Variants in TRABD observed in about 807,000 individuals in gnomAD.
TRABD encodes traB domain-containing protein.
A neutral mutation model predicts 39.6 loss-of-function variants in TRABD; 23 were observed. The ratio of observed to expected loss-of-function variants is 0.58; its 90% confidence interval spans 0.42 to 0.82. The LOEUF is 0.82. Among genes scored for constraint, TRABD ranks in the 40% least tolerant of loss-of-function variants. The probability of loss-of-function intolerance (pLI) is 0.00; values close to 1 mark genes in which losing one functional copy is unlikely to be tolerated. For missense variants in TRABD, 487 were observed against 544.9 expected (o/e 0.89, Z 1.06); for synonymous variants, 243 against 232.1 (o/e 1.05, Z -0.43).
chr22:50,197,215 C>G (rs763260788), intron 5 of TRABD, 26 bp from the exon 6 acceptor site: 3 of 1,608,488 alleles, frequency 1.9e-6, no homozygotes, highest in Admixed American at 1.7e-5. Context: ...GCCCCTCCAG[C>G]TGATGCCTGC....
rs755314753 is a variant in TRABD, at chr22:50,197,231, C to G, written c.421-10C>G. ...CCCCTCCAGCTGATGCCTGCTCCCTCTCTCTGCAGAACGGGCTCATGTCGG... is the reference window on the plus strand; with the variant it reads ...CCCCTCCAGCTGATGCCTGCTCCCTGTCTCTGCAGAACGGGCTCATGTCGG... On this transcript the variant is annotated splice_polypyrimidine_tract_variant and intron_variant, in intron 5 of 9. Transcript: ENST00000380909. The G allele has an allele frequency of 1.9e-6, 3 of 1,612,508 alleles. No individual in the cohort carries two copies. The highest frequency in any genetic ancestry group is 1.1e-5 in the South Asian group (1 of 90,990).
At chr22:50,192,014 T>C (rs2063921536) in intron 1 of TRABD, 1 of 152,242 alleles carries the variant, frequency 6.6e-6, no homozygotes, top group African/African-American at 2.4e-5. Context: ...CCATCCACCT[T>C]GGCCCCCCAA....
intron 1 of TRABD, among the ~76,000 whole-genome samples, chr22:50,186,515 C>T (rs983686608): frequency 6.6e-6 from 1 of 152,140 alleles, no homozygotes; most frequent in African/African-American, 2.4e-5. Context: ...GCGGGTCGGA[C>T]CTCGAGTCCC....
chr22:50,188,597 C>T (rs2063817494), intron 1 of TRABD, among the ~76,000 whole-genome samples: 2 of 152,242 alleles, frequency 1.3e-5, no homozygotes, highest in Admixed American at 6.5e-5. Flanking sequence ...AGTACTAACC[C>T]CGTCATGGGG....
Position 50,197,557 on chromosome 22 carries a change from T to C in TRABD, c.640T>C (p.Trp214Arg). The change falls in exon 7 of 10, where the codon TGG (tryptophan) becomes CGG (arginine). Residue 214 changes from tryptophan to arginine, a missense_variant. Physicochemically the swap from Trp to Arg is moderately radical, Grantham distance 101 (BLOSUM62 -3). This residue lies in a region of TRABD where 358 missense variants were observed against 414.7 expected (regional missense o/e 0.86). Coordinates refer to ENST00000380909, the MANE Select transcript of TRABD (RefSeq NM_001320485.2). ...CTTCTGGCAGAAGGTCAGGCTGGCT[T>C]GGGGCCTGTGCTTCCTGTCAGACCC... ...LSFWQKVRLA[W>R]GLCFLSDPIS... The C allele has an allele frequency of 6.2e-7, 1 of 1,613,410 alleles. No individual in the cohort carries two copies. Among genetic ancestry groups the C allele is most frequent in the East Asian group, 2.2e-5 (1 of 44,862 alleles).
chr22:50,198,895 G>C lies in TRABD; in HGVS notation c.*376G>C, dbSNP rs910720497. On this transcript the variant is annotated 3_prime_UTR_variant, in exon 10 of 10. Transcript: ENST00000380909. The surrounding 1 kb of genome is among the most constrained non-coding windows in gnomAD (Gnocchi z 7.9). ...TGTCCCTACCTCACTGTGCCTTCCT[G>C]TGCTCCGGCCACAGGAGCGTCGGCC... 7 of 572,252 alleles carry C rather than the reference G, an allele frequency of 1.2e-5. No individual in the cohort carries two copies. In the African/African-American group the frequency reaches 1.3e-4, roughly 11 times the overall value. The allele number at this position is 572,252 out of a possible 1,614,324, so 35.4% of individuals were successfully genotyped here.
intron 1 of TRABD, among the ~76,000 whole-genome samples, chr22:50,187,898 T>G (rs974694912): frequency 2.6e-5 from 4 of 151,698 alleles, no homozygotes; most frequent in African/African-American, 9.7e-5. Context: ...GAGAATGGCG[T>G]GAACCCGGGA....
rs761422252 is a variant in TRABD at position 50,198,472 on chromosome 22, G to A, written c.1084G>A (p.Ala362Thr). ...RTASLVLSLP[A>T]AQYCLQRVTE... ...CGCGAGCCTGGTCCTGTCGCTGCCC[G>A]CCGCGCAGTACTGCCTGCAGAGGGT... is the stretch of plus-strand genomic sequence containing the variant. The change falls in exon 10 of 10, where the codon GCC (alanine) becomes ACC (threonine). Residue 362 changes from alanine to threonine, a missense_variant. Ala to Thr is a moderately conservative substitution (Grantham distance 58). Transcript: ENST00000380909. This position sits in a 1 kb window ranked among gnomAD's most constrained non-coding sequence, Gnocchi z 7.9. 151 of 1,594,486 alleles carry A rather than the reference G, an allele frequency of 9.5e-5. 1 individual carries two copies. Among genetic ancestry groups the A allele is most frequent in the South Asian group, 6.6e-4 (59 of 89,768 alleles).
Position 50,193,587 on chromosome 22 carries a change from A to G in TRABD, c.45A>G (p.Glu15=). Residue 15 remains glutamate, a synonymous_variant, in exon 3 of 10, where the codon GAA becomes GAG. Transcript: ENST00000380909. ...EQQPPHEANV[E]PVVPSEASEP... ...CTTTCCACCTGCAGGCCAACGTGGAACCTGTTGTGCCGTCAGAGGCTTCAG... is the reference window on the plus strand; with the variant it reads ...CTTTCCACCTGCAGGCCAACGTGGAGCCTGTTGTGCCGTCAGAGGCTTCAG... The G allele has an allele frequency of 6.2e-7, 1 of 1,613,634 alleles. No homozygotes were observed. Among genetic ancestry groups the G allele is most frequent in the Non-Finnish European group, 8.5e-7 (1 of 1,179,888 alleles).
intron 1 of TRABD, among the ~76,000 whole-genome samples, chr22:50,189,352 C>T (rs749905571): frequency 3.3e-5 from 5 of 152,202 alleles, no homozygotes; most frequent in African/African-American, 1.2e-4. Flanking sequence ...CCCTGTCTGC[C>T]GGCTACCCAT....
rs1427013602 is a variant in TRABD, at chr22:50,194,455, C to T, written c.228C>T (p.Tyr76=). 9.9e-6 allele frequency: 16 copies of T among 1,609,838 alleles called. No homozygotes were observed. The highest frequency in any genetic ancestry group is 5.3e-5 in the African/African-American group (4 of 74,828). ...TGGCTGAGGACGGGAGCAGGGTGTACGTGGTGGGGACAGCCCACTTCAGCG... is the reference window on the plus strand; with the variant it reads ...TGGCTGAGGACGGGAGCAGGGTGTATGTGGTGGGGACAGCCCACTTCAGCG... ...QLVAEDGSRV[Y]VVGTAHFSDD... Residue 76 remains tyrosine (Y), a synonymous_variant, in exon 4 of 10, where the codon TAC becomes TAT. Transcript: ENST00000380909.
Position 50,198,350 on chromosome 22 carries a change from C to G in TRABD, c.962C>G (p.Pro321Arg). The G allele has an allele frequency of 6.4e-7, 1 of 1,569,718 alleles. No homozygotes were observed. Among genetic ancestry groups the G allele is most frequent in the Non-Finnish European group, 8.6e-7 (1 of 1,161,624 alleles). Reference protein sequence around the residue: ...DLNIQEIMTVPPPSVSGRVSR... With the variant: ...DLNIQEIMTVRPPSVSGRVSR... The stretch of plus-strand genomic sequence containing the variant: ...GCGCCCCCTCCCTCCCACAGCGTGC[C>G]CCCGCCGTCCGTCTCCGGCAGAGTG... The change falls in exon 10 of 10, where the codon CCC (proline) becomes CGC (arginine). Residue 321 changes from proline to arginine, a missense_variant. Physicochemically the swap from Pro to Arg is moderately radical, Grantham distance 103. This residue lies in a region of TRABD where 123 missense variants were observed against 108.3 expected (regional missense o/e 1.14). Transcript: ENST00000380909. The surrounding 1 kb of genome is among the most constrained non-coding windows in gnomAD (Gnocchi z 7.9).
At position 50,197,543 on chromosome 22, in the gene TRABD, A is replaced by G. The variant is rs1294759557; in HGVS notation, c.626A>G (p.Lys209Arg). The G allele has an allele frequency of 6.2e-7, 1 of 1,613,534 alleles. No individual in the cohort carries two copies. Among genetic ancestry groups the G allele is most frequent in the African/African-American group, 1.3e-5 (1 of 74,910 alleles). ...ATCGCAGCGCTCTCCTTCTGGCAGA[A>G]GGTCAGGCTGGCTTGGGGCCTGTGC... ...RAIAALSFWQ[K>R]VRLAWGLCFL... Residue 209 changes from lysine (K) to arginine (R), a missense_variant, in exon 7 of 10, where the codon AAG becomes AGG. Coordinates refer to ENST00000380909, the MANE Select transcript of TRABD (RefSeq NM_001320485.2).
intron 5 of TRABD, chr22:50,196,967 G>A (rs1239693607): frequency 2.3e-6 from 1 of 429,702 alleles, no homozygotes; most frequent in Non-Finnish European, 4.2e-6. Flanking sequence ...CAAAGTGCTG[G>A]GATGACAGGC....
intron 5 of TRABD, chr22:50,196,811 C>T (rs1371264623): frequency 6.3e-6 from 1 of 159,374 alleles, no homozygotes; most frequent in Admixed American, 6.3e-5. Context: ...TCTCCTGCCT[C>T]AGCCTCCCGA....
chr22:50,198,874 C>CCTA lies in TRABD; in HGVS notation c.*357_*359dup. 1.8e-6 allele frequency: 1 copy of CCTA among 564,168 alleles called. No homozygotes were observed. The allele number at this position is 564,168 out of a possible 1,614,324, so 34.9% of individuals were successfully genotyped here. On this transcript the variant is annotated 3_prime_UTR_variant, in exon 10 of 10. Coordinates refer to ENST00000380909, the MANE Select transcript of TRABD (RefSeq NM_001320485.2). The surrounding 1 kb of genome is among the most constrained non-coding windows in gnomAD (Gnocchi z 7.9). ...CAGGCGGGGGACAATGGCCACTGTC[C>CCTA]CTACCTCACTGTGCCTTCCTGTGCT...
chr22:50,198,826 C>G lies in TRABD; in HGVS notation c.*307C>G. The G allele has an allele frequency of 1.8e-6, 1 of 545,728 alleles. No individual in the cohort carries two copies. The highest frequency in any genetic ancestry group is 3.3e-6 in the Non-Finnish European group (1 of 307,476). 33.8% of individuals were successfully genotyped at this position (545,728 alleles called of 1,614,324 possible). On this transcript the variant is annotated 3_prime_UTR_variant, in exon 10 of 10. Coordinates refer to ENST00000380909, the MANE Select transcript of TRABD (RefSeq NM_001320485.2). The surrounding 1 kb of genome is among the most constrained non-coding windows in gnomAD (Gnocchi z 7.9). ...GGCTTATAGGAGGGGCCGAGGCGTG[C>G]GCTGCCCTCTCAGCCCTGGTGGCAG...
intron 1 of TRABD, 56 bp from the exon 2 acceptor site, chr22:50,192,971 C>T (rs2063960299): frequency 6.7e-7 from 1 of 1,487,986 alleles, no homozygotes; most frequent in Non-Finnish European, 9.1e-7. Flanking sequence ...CGCAGTGAGT[C>T]CTGAGCCAGG....
At chr22:50,197,138 G>A (rs2064140260) in intron 5 of TRABD, 103 bp from the exon 6 acceptor site, 2 of 1,194,758 alleles carry the variant, frequency 1.7e-6, no homozygotes, top group African/African-American at 1.5e-5. Flanking sequence ...CTGGGCTGGG[G>A]CAGGGCTCTG....
Sources: allele counts gnomAD v4.1 joint callset (sites outside exome capture counted in the v4.1 genomes callset), GRCh38; gene constraint gnomAD v4.1.1; regional missense constraint gnomAD v4.1.1; non-coding constraint Gnocchi (gnomAD v3.1); transcripts MANE v1.5; gene names NCBI Gene and HGNC (gene_info 2026-07-23, HGNC 2026-07-21).